The following NKD1 variants were observed in gnomAD, a reference collection of about 807,000 sequenced individuals.
The protein encoded by NKD1 is NKD inhibitor of Wnt signaling pathway 1.
NKD1 carries 21 observed loss-of-function variants against 56.0 expected under a neutral mutation model. The ratio of observed to expected loss-of-function variants is 0.38; its 90% confidence interval spans 0.27 to 0.54. The LOEUF (loss-of-function observed/expected upper bound fraction) is 0.54. Ranked by LOEUF, NKD1 falls within the 20% of genes least tolerant of loss-of-function variation. The pLI is 0.82. For synonymous variants in NKD1, 263 were observed against 265.7 expected (o/e 0.99, Z 0.10); for missense variants, 578 against 642.7 (o/e 0.90, Z 1.09).
At chr16:50,574,897 C>G (rs1216108878) in intron 3 of NKD1, 1 of 985,286 alleles carries the variant, frequency 1.0e-6, no homozygotes, top group Admixed American at 6.1e-5. Context: ...AACTTCCTCT[C>G]CTTGGAATTT....
At chr16:50,587,506 T>G (rs1961256617) in intron 3 of NKD1, among the ~76,000 whole-genome samples, 1 of 152,244 alleles carries the variant, frequency 6.6e-6, no homozygotes, top group African/African-American at 2.4e-5. Flanking sequence ...CACGTAACTT[T>G]TGTTCTCTGG....
chr16:50,632,391 C>T lies in NKD1; in HGVS notation c.806C>T (p.Thr269Met), dbSNP rs554470098. The T allele has an allele frequency of 3.1e-5, 50 of 1,614,086 alleles. No homozygotes were observed. Among genetic ancestry groups the T allele is most frequent in the Admixed American group, 6.7e-5 (4 of 60,018 alleles). Residue 269 changes from threonine (T) to methionine (M), a missense_variant, in exon 9 of 10, where the codon ACG (threonine) becomes ATG (methionine). Physicochemically the swap from Thr to Met is moderately conservative, Grantham distance 81. Transcript: ENST00000268459. The surrounding 1 kb of genome is among the most constrained non-coding windows in gnomAD (Gnocchi z 4.1). ...YLDLAGIENY[T>M]SQFGPGSPSV... ...GATCTCGCCGGGATAGAAAACTACA[C>T]GTCCCAATTTGGGCCTGGTAAGGGA...
rs189200659 is a variant in NKD1, at chr16:50,618,283, C to T, written c.260-3319C>T. The stretch of plus-strand genomic sequence containing the variant: ...GGCCCCCAAAAGATAATTTCTCAAG[C>T]GGAAAAATGGCTGGGCTAAACAGGA... On this transcript the variant is annotated intron_variant, in intron 4 of 9. Transcript: ENST00000268459. Among the ~76,000 whole-genome samples the T allele has an allele frequency of 2.5e-3, 386 of 152,114 alleles. 2 individuals carry two copies. Among genetic ancestry groups the T allele is most frequent in the Non-Finnish European group, 2.7e-3 (186 of 68,004 alleles).
At chr16:50,575,993 G>A (rs1403805630) in intron 3 of NKD1, among the ~76,000 whole-genome samples, 2 of 152,204 alleles carry the variant, frequency 1.3e-5, no homozygotes, top group South Asian at 2.1e-4. Context: ...GGCCCCAAAT[G>A]TAAACAGTGC....
rs533823650 is a variant in NKD1, at chr16:50,606,892, C to T, written c.193-1402C>T. ...GATGGGCTTCAATTGGCTGCTGGGGCGTCCCAGCCATCTAATGATGCCACC... is the reference window on the plus strand; with the variant it reads ...GATGGGCTTCAATTGGCTGCTGGGGTGTCCCAGCCATCTAATGATGCCACC... On this transcript the variant is annotated intron_variant, in intron 3 of 9. Transcript: ENST00000268459. The T allele has an allele frequency of 6.4e-5, 29 of 456,582 alleles. No individual in the cohort carries two copies. The East Asian group carries it at 8.3e-4, about 13-fold the overall frequency. The allele number at this position is 456,582 out of a possible 1,614,324, so 28.3% of individuals were successfully genotyped here.
Position 50,636,271 on chromosome 16 carries a change from G to C in NKD1, c.*2490G>C, listed in dbSNP as rs745230. 0.6 allele frequency: 91,386 copies of C among 152,062 alleles called. 28,287 individuals carry two copies. Among genetic ancestry groups the C allele is most frequent in the Non-Finnish European group, 0.67 (45,543 of 68,000 alleles). The allele number at this position is 152,062 out of a possible 1,614,324, so 9.4% of individuals were successfully genotyped here. A position where few individuals can be genotyped will look rare whatever the true frequency, so the allele number is the denominator to read the frequency against. On this transcript the variant is annotated 3_prime_UTR_variant, in exon 10 of 10. Transcript: ENST00000268459. ...TTGCTGCAACCCTGGAGGCCAGCCC[G>C]GAGTTGAGACTACTGGTTTTAGAGC...
In NKD1 at chr16:50,598,058, G is replaced by A. The variant is rs2151273211; in HGVS notation, c.193-10236G>A. Reference sequence around the variant, plus strand: ...TGGGAGGCTCCAAGTGGGCGGTCTGGCCTGTGAGAGGGATGGTGACAAGTT... The same window carrying A: ...TGGGAGGCTCCAAGTGGGCGGTCTGACCTGTGAGAGGGATGGTGACAAGTT... On this transcript the variant is annotated intron_variant, in intron 3 of 9. Coordinates refer to ENST00000268459, the MANE Select transcript of NKD1 (RefSeq NM_033119.5). This position sits in a 1 kb window ranked among gnomAD's most constrained non-coding sequence, Gnocchi z 4.2. 6.6e-6 allele frequency among the ~76,000 whole-genome samples: 1 copy of A among 152,258 alleles called. No homozygotes were observed. The highest frequency in any genetic ancestry group is 2.4e-5 in the African/African-American group (1 of 41,556).
At chr16:50,558,908 T>TCAAACAAACAAA (rs3037656) in intron 3 of NKD1, among the ~76,000 whole-genome samples, 35 of 151,270 alleles carry the variant, frequency 2.3e-4, no homozygotes, top group Middle Eastern at 3.4e-3. Context: ...AAACTCTGTC[T>TCAAACAAACAAA]CAAACAAACA....
At chr16:50,606,218 T>G (rs1961706094) in intron 3 of NKD1, 1 of 153,296 alleles carries the variant, frequency 6.5e-6, no homozygotes, top group South Asian at 2.0e-4. Flanking sequence ...CCACTACGCC[T>G]GGCTAATTTT....
In NKD1 at chr16:50,630,876, C is replaced by T. The variant is rs753083072; in HGVS notation, c.661C>T (p.Arg221Trp). 1.5e-5 allele frequency: 24 copies of T among 1,606,004 alleles called. No individual in the cohort carries two copies. The highest frequency in any genetic ancestry group is 2.3e-5 in the South Asian group (2 of 88,848). ...AGAGACCAAGCCCACTGAGGACCTG[C>T]GGAGCTGGGAGAAGAAGCAGCGAGC... is the stretch of plus-strand genomic sequence containing the variant. ...RAETKPTEDL[R>W]SWEKKQRAPL... The change falls in exon 8 of 10, where the codon CGG becomes TGG. Residue 221 changes from arginine to tryptophan, a missense_variant. Physicochemically the swap from Arg to Trp is moderately radical, Grantham distance 101. Transcript: ENST00000268459.
intron 3 of NKD1, among the ~76,000 whole-genome samples, chr16:50,572,753 G>A (rs1960912105): frequency 6.6e-6 from 1 of 152,198 alleles, no homozygotes; most frequent in African/African-American, 2.4e-5. Context: ...GTGCAGCACG[G>A]TGTCCGGGCT....
rs1962591311 is a variant in NKD1 at position 50,642,151 on chromosome 16, G to A, written c.*8370G>A. 6.6e-6 allele frequency: 1 copy of A among 152,242 alleles called. No individual in the cohort carries two copies. The highest frequency in any genetic ancestry group is 1.5e-5 in the Non-Finnish European group (1 of 68,062). The allele number at this position is 152,242 out of a possible 1,614,324, so 9.4% of individuals were successfully genotyped here. A position where few individuals can be genotyped will look rare whatever the true frequency, so the allele number is the denominator to read the frequency against. Reference sequence around the variant, plus strand: ...AATGCCCCCCAGCTCTCTTGGAGGGGGAAGCAAAAAGACTGCTGATCAGGC... The same window carrying A: ...AATGCCCCCCAGCTCTCTTGGAGGGAGAAGCAAAAAGACTGCTGATCAGGC... On this transcript the variant is annotated 3_prime_UTR_variant, in exon 10 of 10. Coordinates refer to ENST00000268459, the MANE Select transcript of NKD1 (RefSeq NM_033119.5).
rs1045000251 is a variant in NKD1, at chr16:50,638,629, C to T, written c.*4848C>T. ...TTGTGTGGGGCTCTGATCTGATGTTCGGTCTCATCATCTCCCAAACCAGCA... is the reference window on the plus strand; with the variant it reads ...TTGTGTGGGGCTCTGATCTGATGTTTGGTCTCATCATCTCCCAAACCAGCA... On this transcript the variant is annotated 3_prime_UTR_variant, in exon 10 of 10. Transcript: ENST00000268459. The T allele has an allele frequency of 5.3e-5, 8 of 152,250 alleles. No individual in the cohort carries two copies. The highest frequency in any genetic ancestry group is 1.2e-4 in the African/African-American group (5 of 41,442). 9.4% of individuals were successfully genotyped at this position (152,250 alleles called of 1,614,324 possible). A position where few individuals can be genotyped will look rare whatever the true frequency, so the allele number is the denominator to read the frequency against.
In NKD1 at chr16:50,574,780, G is replaced by C. The variant is rs1042675726; in HGVS notation, c.192+25225G>C. 14 of 985,366 alleles carry C rather than the reference G, an allele frequency of 1.4e-5. No individual in the cohort carries two copies. The East Asian group carries it at 1.2e-3, about 88-fold the overall frequency. 61.0% of individuals were successfully genotyped at this position (985,366 alleles called of 1,614,324 possible). On this transcript the variant is annotated intron_variant, in intron 3 of 9. Transcript: ENST00000268459. Reference sequence around the variant, plus strand: ...CCCTCTCCCTTTTCTTCTGAGCCCTGTAAAAATAAAAAGTTAAAAGACCCT... The same window carrying C: ...CCCTCTCCCTTTTCTTCTGAGCCCTCTAAAAATAAAAAGTTAAAAGACCCT...
chr16:50,574,215 T>C, intron 3 of NKD1: 1 of 985,244 alleles, frequency 1.0e-6, no homozygotes, highest in Non-Finnish European at 1.2e-6. Flanking sequence ...GACTCAATTT[T>C]CTCTCCTGTC....
At position 50,598,652 on chromosome 16, in the gene NKD1, T is replaced by C. The variant is rs1961529096; in HGVS notation, c.193-9642T>C. Among the ~76,000 whole-genome samples, 1 of 152,174 alleles carries C rather than the reference T, an allele frequency of 6.6e-6. No homozygotes were observed. The highest frequency in any genetic ancestry group is 6.5e-5 in the Admixed American group (1 of 15,280). On this transcript the variant is annotated intron_variant, in intron 3 of 9. Transcript: ENST00000268459. This position sits in a 1 kb window ranked among gnomAD's most constrained non-coding sequence, Gnocchi z 4.2. The stretch of plus-strand genomic sequence containing the variant: ...TGCTGGCAGATGCCGCCCCAGCTGC[T>C]TGGTGATCAGAGGCACGCCACAGGC...
chr16:50,566,605 C>T (rs1379658283), intron 3 of NKD1, among the ~76,000 whole-genome samples: 1 of 152,226 alleles, frequency 6.6e-6, no homozygotes. Context: ...AGAAAGCACA[C>T]TGTATGGGTG....
chr16:50,615,243 T>A (rs1464173008), intron 4 of NKD1, among the ~76,000 whole-genome samples: 3 of 152,238 alleles, frequency 2.0e-5, no homozygotes, highest in Non-Finnish European at 4.4e-5. Flanking sequence ...TTCCACAACT[T>A]CTGGGTTCAA....
chr16:50,574,443 A>G, intron 3 of NKD1: 1 of 985,382 alleles, frequency 1.0e-6, no homozygotes, highest in African/African-American at 1.7e-5. Context: ...TAAATTTAGG[A>G]TTCCTTGGGA....
Sources: gnomAD v4.1 joint callset for allele counts (sites outside exome capture counted in the v4.1 genomes callset) on GRCh38, gnomAD v4.1.1 for gene constraint, Gnocchi (gnomAD v3.1) non-coding constraint, MANE v1.5 for transcripts, NCBI Gene and HGNC (gene_info 2026-07-23, HGNC 2026-07-21) for gene names.